Variants in LINGO2 observed in about 807,000 individuals in gnomAD.
LINGO2 encodes the protein leucine-rich repeat and immunoglobulin-like domain-containing nogo receptor-interacting protein 2.
A neutral mutation model predicts 30.6 loss-of-function variants in LINGO2; 14 were observed. The ratio of observed to expected loss-of-function variants is 0.46; its 90% CI spans 0.30 to 0.72. LINGO2 has a LOEUF of 0.72. Among genes scored for constraint, LINGO2 ranks in the 30% least tolerant of loss-of-function variants. The probability of loss-of-function intolerance (pLI) is 0.07; values close to 1 mark genes in which losing one functional copy is unlikely to be tolerated. For synonymous variants in LINGO2, 317 were observed against 288.5 expected, an observed-to-expected ratio of 1.10 and a Z score of -1.00; for missense variants, 729 against 751.7, an observed-to-expected ratio of 0.97 and a Z score of 0.35.
the LINGO2 span, among the ~76,000 whole-genome samples, chr9:29,073,914 C>T: frequency 6.6e-6 from 1 of 152,108 alleles, no homozygotes. Flanking sequence ...AAATTAAATA[C>T]CCTGTTCTTA....
At chr9:28,542,969 A>T (rs1403076652) in intron 1 of LINGO2, among the ~76,000 whole-genome samples, 1 of 152,106 alleles carries the variant, frequency 6.6e-6, no homozygotes, top group African/African-American at 2.4e-5. Context: ...CGTGTAGGGC[A>T]CAGAAAACAA....
chr9:28,141,113 A>G (rs1269496213), intron 4 of LINGO2, among the ~76,000 whole-genome samples: 1 of 152,182 alleles, frequency 6.6e-6, no homozygotes, highest in Non-Finnish European at 1.5e-5. Context: ...AGATGAGAAA[A>G]GAAATTCTTA....
At chr9:28,220,421 G>A (rs1385066413) in intron 4 of LINGO2, among the ~76,000 whole-genome samples, 1 of 151,930 alleles carries the variant, frequency 6.6e-6, no homozygotes, top group African/African-American at 2.4e-5. Flanking sequence ...AAGACTCCTG[G>A]GTACCAGGAG....
rs80155194 is a variant in LINGO2, at chr9:28,417,961, C to T, written c.-278-45093G>A. 5.1e-3 allele frequency among the ~76,000 whole-genome samples: 782 copies of T among 152,196 alleles called. 6 individuals are homozygous for T. Among genetic ancestry groups the T allele is most frequent in the Admixed American group, 0.012 (182 of 15,280 alleles). On this transcript the variant is annotated intron_variant, in intron 2 of 5. Coordinates refer to ENST00000379992, the Ensembl canonical transcript of LINGO2. ...CTCAGAAAACTCTAATCATTAACTC[C>T]TTGGGTGGTAAGAAAGGGGACTGAA... is the stretch of plus-strand genomic sequence containing the variant.
At chr9:27,953,271 CTTTT>C (rs895595916) in intron 5 of LINGO2, among the ~76,000 whole-genome samples, 1 of 151,980 alleles carries the variant, frequency 6.6e-6, no homozygotes, top group African/African-American at 2.4e-5. Flanking sequence ...ATTCTTTTGA[CTTTT>C]TTTCCTATTT....
chr9:28,705,701 A>C, the LINGO2 span, among the ~76,000 whole-genome samples: 1 of 152,274 alleles, frequency 6.6e-6, no homozygotes, highest in South Asian at 2.1e-4. Context: ...TGAGGGCCCC[A>C]GTATGAATGT....
chr9:28,621,143 C>T (rs1425280033), intron 1 of LINGO2, among the ~76,000 whole-genome samples: 1 of 151,792 alleles, frequency 6.6e-6, no homozygotes, highest in Non-Finnish European at 1.5e-5. Context: ...CGACAATGCT[C>T]AAAACAAACA....
At chr9:28,685,764 A>C in the LINGO2 span, among the ~76,000 whole-genome samples, 181 of 152,274 alleles carry the variant, frequency 1.2e-3, 3 homozygotes, top group African/African-American at 4.2e-3. Flanking sequence ...GATATGGAAA[A>C]AATTCATCCA....
the LINGO2 span, among the ~76,000 whole-genome samples, chr9:28,855,771 T>G: frequency 2.6e-5 from 4 of 152,168 alleles, no homozygotes; most frequent in South Asian, 8.3e-4. Flanking sequence ...AGGCACTATC[T>G]GTCCCAAAAG....
intron 3 of LINGO2, among the ~76,000 whole-genome samples, chr9:28,327,176 T>C (rs907224320): frequency 6.6e-6 from 1 of 152,122 alleles, no homozygotes; most frequent in Non-Finnish European, 1.5e-5. Context: ...TAGACACTCA[T>C]TCTGCTGCTG....
the LINGO2 span, among the ~76,000 whole-genome samples, chr9:28,979,628 C>T: frequency 6.2e-4 from 94 of 152,120 alleles, no homozygotes; most frequent in Non-Finnish European, 6.8e-4. Context: ...GAATACTATA[C>T]ATTGTTTATT....
At chr9:28,190,013 C>A (rs1392290118) in intron 4 of LINGO2, among the ~76,000 whole-genome samples, 1 of 152,084 alleles carries the variant, frequency 6.6e-6, no homozygotes, top group Non-Finnish European at 1.5e-5. Context: ...TAACTGAGGC[C>A]TCTTAATCTT....
chr9:29,144,839 T>G, the LINGO2 span, among the ~76,000 whole-genome samples: 1 of 152,110 alleles, frequency 6.6e-6, no homozygotes, highest in Non-Finnish European at 1.5e-5. Flanking sequence ...AATTAAAAAT[T>G]GGGCAGGCAA....
At chr9:28,708,601 G>T in the LINGO2 span, among the ~76,000 whole-genome samples, 15 of 152,220 alleles carry the variant, frequency 9.9e-5, no homozygotes, top group African/African-American at 3.4e-4. Flanking sequence ...AGGATGAACA[G>T]TTCAGTGTGA....
the LINGO2 span, among the ~76,000 whole-genome samples, chr9:28,948,629 A>T: frequency 1.3e-5 from 2 of 152,086 alleles, no homozygotes; most frequent in Non-Finnish European, 2.9e-5. Context: ...AATCACATTT[A>T]TTTGCCAGGC....
At chr9:28,561,661 T>C (rs1241723895) in intron 1 of LINGO2, among the ~76,000 whole-genome samples, 30 of 135,276 alleles carry the variant, frequency 2.2e-4, no homozygotes, top group Admixed American at 4.8e-4. Context: ...ATGTATAATA[T>C]ATATAAATTA....
intron 4 of LINGO2, among the ~76,000 whole-genome samples, chr9:28,082,133 G>T (rs1317358314): frequency 6.6e-6 from 1 of 152,088 alleles, no homozygotes; most frequent in East Asian, 1.9e-4. Context: ...GAAGTAGGTG[G>T]GGGTAGTCTT....
chr9:28,506,483 C>CATATATAT (rs1364134154), intron 1 of LINGO2, among the ~76,000 whole-genome samples: 1 of 23,980 alleles, frequency 4.2e-5, no homozygotes, highest in African/African-American at 1.2e-4. Context: ...CACACACATA[C>CATATATAT]ACATACACAC....
At chr9:28,354,364 A>T (rs1423481838) in intron 3 of LINGO2, among the ~76,000 whole-genome samples, 1 of 152,192 alleles carries the variant, frequency 6.6e-6, no homozygotes, top group Non-Finnish European at 1.5e-5. Context: ...AGAAATATAA[A>T]GCAAATATGA....
Sources: gnomAD v4.1 joint callset for allele counts (sites outside exome capture counted in the v4.1 genomes callset) on GRCh38, gnomAD v4.1.1 for gene constraint, MANE v1.5 for transcripts, NCBI Gene and HGNC (gene_info 2026-07-23, HGNC 2026-07-21) for gene names.